Variants in TENM2 observed in about 807,000 individuals in gnomAD.
TENM2 encodes the protein teneurin-2.
Under a neutral mutation model 245.2 loss-of-function variants are expected in TENM2, and 52 were observed. That is an observed-to-expected ratio of 0.21 (90% CI 0.17 to 0.27). The LOEUF (loss-of-function observed/expected upper bound fraction) is 0.27. TENM2 is among the 10% of genes least tolerant of loss of function. The probability of loss-of-function intolerance (pLI) is 1.00; values close to 1 mark genes in which losing one functional copy is unlikely to be tolerated. For synonymous variants in TENM2, 1,363 were observed against 1,438.9 expected (o/e 0.95, Z 1.19); for missense variants, 3,046 against 3,666.8 (o/e 0.83, Z 4.37).
chr5:167,021,423 T>C, the TENM2 span, among the ~76,000 whole-genome samples: 1 of 152,234 alleles, frequency 6.6e-6, no homozygotes, highest in African/African-American at 2.4e-5. Context: ...TTCCCATTAC[T>C]TTGTAGAATG....
chr5:167,696,809 C>T (rs1351988418), intron 2 of TENM2, among the ~76,000 whole-genome samples: 1 of 152,134 alleles, frequency 6.6e-6, no homozygotes, highest in Admixed American at 6.5e-5. Flanking sequence ...TCCTCTTGCA[C>T]CTCCCTGGAA....
At chr5:167,314,190 C>A (rs1340513411) in intron 1 of TENM2, among the ~76,000 whole-genome samples, 1 of 152,084 alleles carries the variant, frequency 6.6e-6, no homozygotes, top group Admixed American at 6.6e-5. Flanking sequence ...GTTTTTCCCA[C>A]CTGCATTCCT....
intron 2 of TENM2, among the ~76,000 whole-genome samples, chr5:167,462,848 C>T (rs1346968175): frequency 1.3e-5 from 2 of 151,956 alleles, no homozygotes; most frequent in Non-Finnish European, 2.9e-5. Context: ...CTGCCAGTTT[C>T]CAGGCTGGAG....
At chr5:168,151,953 T>C (rs1330537214) in intron 12 of TENM2, among the ~76,000 whole-genome samples, 1 of 152,156 alleles carries the variant, frequency 6.6e-6, no homozygotes, top group Non-Finnish European at 1.5e-5. Context: ...GTGCAAAAAC[T>C]TGGATCATCC....
chr5:167,540,042 A>G (rs954507271), intron 2 of TENM2, among the ~76,000 whole-genome samples: 1 of 152,214 alleles, frequency 6.6e-6, no homozygotes, highest in African/African-American at 2.4e-5. Flanking sequence ...GCATTTGTTA[A>G]GGTACAGTAA....
At chr5:168,252,331 T>C (rs1368876404) in intron 27 of TENM2, among the ~76,000 whole-genome samples, 3 of 149,004 alleles carry the variant, frequency 2.0e-5, no homozygotes, top group African/African-American at 7.4e-5. Context: ...TAAGCTGTGA[T>C]TGTGCCATGG....
At chr5:167,506,743 A>G (rs1027854668) in intron 2 of TENM2, among the ~76,000 whole-genome samples, 1 of 152,088 alleles carries the variant, frequency 6.6e-6, no homozygotes, top group Non-Finnish European at 1.5e-5. Flanking sequence ...CACTTCATTG[A>G]ATTCTTGTTT....
the TENM2 span, among the ~76,000 whole-genome samples, chr5:166,979,194 C>CCAGCACCACCACCAG: frequency 1.4e-5 from 2 of 142,044 alleles, no homozygotes; most frequent in East Asian, 2.1e-4. Context: ...AGCACCACCA[C>CCAGCACCACCACCAG]CAGCAGCAGC....
chr5:167,956,823 G>A (rs1383767608), intron 4 of TENM2, among the ~76,000 whole-genome samples: 4 of 151,980 alleles, frequency 2.6e-5, no homozygotes, highest in East Asian at 1.9e-4. Context: ...GGATGAAACC[G>A]ACTTGATCAT....
At chr5:168,210,634 A>C (rs2152551393) in intron 19 of TENM2, among the ~76,000 whole-genome samples, 1 of 151,256 alleles carries the variant, frequency 6.6e-6, no homozygotes, top group African/African-American at 2.4e-5. Flanking sequence ...TTTTGCAAAA[A>C]CTAACACATT....
At chr5:167,040,291 C>T in the TENM2 span, among the ~76,000 whole-genome samples, 2 of 151,962 alleles carry the variant, frequency 1.3e-5, no homozygotes, top group Non-Finnish European at 2.9e-5. Context: ...AGTTGTTGTC[C>T]CGGAAGAAGC....
the TENM2 span, among the ~76,000 whole-genome samples, chr5:167,122,126 C>T: frequency 6.6e-6 from 1 of 152,222 alleles, no homozygotes; most frequent in African/African-American, 2.4e-5. Context: ...TTGCACACAC[C>T]TTAATTTACA....
At chr5:167,471,204 G>A (rs568533031) in intron 2 of TENM2, among the ~76,000 whole-genome samples, 1 of 152,266 alleles carries the variant, frequency 6.6e-6, no homozygotes, top group African/African-American at 2.4e-5. Flanking sequence ...ATATTCATGA[G>A]AATTCTTCCT....
intron 7 of TENM2, among the ~76,000 whole-genome samples, chr5:168,071,078 A>G (rs1790976493): frequency 6.6e-6 from 1 of 152,174 alleles, no homozygotes; most frequent in Admixed American, 6.5e-5. Context: ...ACCAGTCCAA[A>G]CTATCTGACT....
At chr5:168,198,659 G>A (rs928582866) in intron 15 of TENM2, among the ~76,000 whole-genome samples, 194 bp from the exon 18 acceptor site, 7 of 152,170 alleles carry the variant, frequency 4.6e-5, no homozygotes, top group African/African-American at 1.7e-4. Flanking sequence ...GCTGAGAGAG[G>A]GTTAGTAACT....
At chr5:167,037,570 T>C in the TENM2 span, among the ~76,000 whole-genome samples, 1 of 152,194 alleles carries the variant, frequency 6.6e-6, no homozygotes, top group African/African-American at 2.4e-5. Context: ...CTCTTTCTGT[T>C]CCTTTTCTGT....
intron 2 of TENM2, among the ~76,000 whole-genome samples, chr5:167,471,574 A>G (rs1305001704): frequency 1.3e-5 from 2 of 152,252 alleles, no homozygotes; most frequent in Admixed American, 6.5e-5. Context: ...ATTAAATTTG[A>G]TAAGATAATT....
chr5:167,613,356 A>G (rs1172357613), intron 2 of TENM2, among the ~76,000 whole-genome samples: 1 of 152,148 alleles, frequency 6.6e-6, no homozygotes, highest in Non-Finnish European at 1.5e-5. Context: ...CTCTGTACAT[A>G]CTCATTTAAT....
the TENM2 span, among the ~76,000 whole-genome samples, chr5:167,130,900 TTTTTTTTTTTTTAA>T: frequency 6.7e-6 from 1 of 148,436 alleles, no homozygotes; most frequent in African/African-American, 2.5e-5. Flanking sequence ...TTTTTTTTTT[TTTTTTTTTTTTTAA>T]AAAAAAAAAA....
Sources: allele counts gnomAD v4.1 joint callset (sites outside exome capture counted in the v4.1 genomes callset), GRCh38; gene constraint gnomAD v4.1.1; transcripts MANE v1.5; gene names NCBI Gene and HGNC (gene_info 2026-07-23, HGNC 2026-07-21).